The following SLC18A1 variants were observed in gnomAD, a reference collection of about 807,000 sequenced individuals.
SLC18A1 encodes the protein chromaffin granule amine transporter.
A neutral mutation model predicts 53.7 loss-of-function variants in SLC18A1; 69 were observed. The observed-to-expected ratio is 1.28, with a 90% CI of 1.06 to 1.57. SLC18A1 has a LOEUF of 1.57. Ranked by LOEUF, SLC18A1 falls within the 40% of genes most tolerant of loss-of-function variation. The probability of loss-of-function intolerance (pLI) is 0.00; values close to 1 mark genes in which losing one functional copy is unlikely to be tolerated. For synonymous variants in SLC18A1, 320 were observed against 248.1 expected, an observed-to-expected ratio of 1.29 and a Z score of -2.72; for missense variants, 932 against 668.1, an observed-to-expected ratio of 1.40 and a Z score of -4.35.
chr8:20,169,580 TAGAA>T (rs1032992253), intron 8 of SLC18A1, among the ~76,000 whole-genome samples: 1 of 152,114 alleles, frequency 6.6e-6, no homozygotes, highest in African/African-American at 2.4e-5. Flanking sequence ...GTATATTTGT[TAGAA>T]AGAGAGAGAA....
chr8:20,166,101 C>T (rs1226790730), intron 8 of SLC18A1, among the ~76,000 whole-genome samples: 1 of 151,548 alleles, frequency 6.6e-6, no homozygotes, highest in Non-Finnish European at 1.5e-5. Context: ...CCCTTTGACC[C>T]AACAGTCCCA....
At chr8:20,160,999 T>C (rs1369243188) in intron 10 of SLC18A1, among the ~76,000 whole-genome samples, 1 of 152,202 alleles carries the variant, frequency 6.6e-6, no homozygotes, top group Non-Finnish European at 1.5e-5. Context: ...CTACTAAAGG[T>C]TCCACTTCTC....
intron 5 of SLC18A1, among the ~76,000 whole-genome samples, chr8:20,173,565 C>T: frequency 6.6e-6 from 1 of 152,192 alleles, no homozygotes; most frequent in Non-Finnish European, 1.5e-5. Context: ...TGGGCTAGTG[C>T]TGTACGGCAG....
At position 20,149,659 on chromosome 8, in the gene SLC18A1, G is replaced by C; in HGVS notation, c.1146+17C>G. 1.9e-6 allele frequency: 3 copies of C among 1,598,132 alleles called. No homozygotes were observed. Among genetic ancestry groups the C allele is most frequent in the Non-Finnish European group, 2.6e-6 (3 of 1,170,106 alleles). ...CTCTCTCTCTCCTTCCCCTCCCCCAGGTCTTCTTATACTTACACAGAGCAA... is the reference window on the plus strand; with the variant it reads ...CTCTCTCTCTCCTTCCCCTCCCCCACGTCTTCTTATACTTACACAGAGCAA... On this transcript the variant is annotated intron_variant, in intron 12 of 15. Transcript: ENST00000276373.
chr8:20,155,651 T>C (rs1195258773), intron 10 of SLC18A1, among the ~76,000 whole-genome samples: 1 of 152,194 alleles, frequency 6.6e-6, no homozygotes, highest in East Asian at 1.9e-4. Context: ...TTCTTGAAAG[T>C]GTAGCCCCAG....
intron 10 of SLC18A1, among the ~76,000 whole-genome samples, chr8:20,160,724 T>C (rs995159431): frequency 1.3e-5 from 2 of 152,080 alleles, no homozygotes; most frequent in Non-Finnish European, 2.9e-5. Flanking sequence ...TTACCACAGA[T>C]TGGGTAATTC....
rs545517127 is a variant in SLC18A1, at chr8:20,150,884, G to A, written c.1016-140C>T. 43 of 718,200 alleles carry A rather than the reference G, an allele frequency of 6.0e-5. No individual in the cohort carries two copies. In the South Asian group the frequency reaches 6.3e-4, roughly 11 times the overall value. The allele number at this position is 718,200 out of a possible 1,614,324, so 44.5% of individuals were successfully genotyped here. On this transcript the variant is annotated intron_variant, in intron 10 of 15. Transcript: ENST00000276373. ...TTTGTTTTATGATCTGGGGACCTTT[G>A]TGCAAACCCACAGTAGTTGCCATAG...
chr8:20,171,217 G>C, intron 7 of SLC18A1, 71 bp from the exon 8 acceptor site: 1 of 1,500,238 alleles, frequency 6.7e-7, no homozygotes, highest in Admixed American at 1.7e-5. Context: ...AACAGCTGTA[G>C]TGCTACCACC....
chr8:20,178,367 C>A, intron 4 of SLC18A1, 68 bp downstream of exon 4: 1 of 1,279,426 alleles, frequency 7.8e-7, no homozygotes, highest in Non-Finnish European at 1.1e-6. Flanking sequence ...CTGCTATCTA[C>A]ACCGCATTCA....
At chr8:20,151,794 C>CCATTCATT (rs145356190) in intron 10 of SLC18A1, among the ~76,000 whole-genome samples, 4 of 151,992 alleles carry the variant, frequency 2.6e-5, no homozygotes, top group South Asian at 2.1e-4. Flanking sequence ...TGAGTCTCTT[C>CCATTCATT]CATTCATTCA....
intron 10 of SLC18A1, among the ~76,000 whole-genome samples, chr8:20,159,312 C>T (rs1427761280): frequency 6.6e-6 from 1 of 152,140 alleles, no homozygotes; most frequent in African/African-American, 2.4e-5. Flanking sequence ...TACTAACAGA[C>T]AGGACTAGCT....
rs116840485 is a variant in SLC18A1 at position 20,179,979 on chromosome 8, G to A, written c.125-495C>T. ...CTCAGCTCTGGGACCCCTGGACAGGGTTTGAATCCCAACTCTGGCACCTGC... is the reference window on the plus strand; with the variant it reads ...CTCAGCTCTGGGACCCCTGGACAGGATTTGAATCCCAACTCTGGCACCTGC... On this transcript the variant is annotated intron_variant, in intron 2 of 15. Coordinates refer to ENST00000276373, the MANE Select transcript of SLC18A1 (RefSeq NM_003053.4). 7.5e-3 allele frequency among the ~76,000 whole-genome samples: 1,136 copies of A among 152,292 alleles called. 18 individuals carry two copies. The highest frequency in any genetic ancestry group is 0.026 in the African/African-American group (1,086 of 41,550).
At position 20,171,204 on chromosome 8, in the gene SLC18A1, A is replaced by C. The variant is rs13266221; in HGVS notation, c.815-58T>G. On this transcript the variant is annotated intron_variant, in intron 7 of 15. Transcript: ENST00000276373. ...TGTCTACTGATTAGCTGGGGGCTCC[A>C]ATAACAGCTGTAGTGCTACCACCCT... 10,683 of 1,568,504 alleles carry C rather than the reference A, an allele frequency of 6.8e-3. 54 individuals carry two copies. Among genetic ancestry groups the C allele is most frequent in the Non-Finnish European group, 8.6e-3 (9,773 of 1,138,954 alleles).
chr8:20,145,950 C>G (rs1165105274), intron 15 of SLC18A1, 74 bp from the exon 16 acceptor site: 3 of 831,368 alleles, frequency 3.6e-6, no homozygotes, highest in Admixed American at 2.9e-5. Flanking sequence ...GAGTCTCGCT[C>G]TGTTGCCCAG....
intron 1 of SLC18A1, chr8:20,181,610 A>G (rs577603400): frequency 6.6e-6 from 1 of 152,274 alleles, no homozygotes; most frequent in East Asian, 1.9e-4. Flanking sequence ...CAACATAGAT[A>G]TTGATATCAT....
intron 10 of SLC18A1, among the ~76,000 whole-genome samples, chr8:20,152,753 G>C (rs903856128): frequency 6.6e-6 from 1 of 152,196 alleles, no homozygotes; most frequent in South Asian, 2.1e-4. Flanking sequence ...AGCCTTGGGG[G>C]ACTCCTATCT....
At chr8:20,150,600 G>A in intron 11 of SLC18A1, 66 bp downstream of exon 11, 2 of 1,359,428 alleles carry the variant, frequency 1.5e-6, no homozygotes, top group Non-Finnish European at 2.1e-6. Flanking sequence ...ATCATTCCAA[G>A]ATCAGGAACG....
At chr8:20,179,725 C>A (rs28577098) in intron 2 of SLC18A1, among the ~76,000 whole-genome samples, 7,431 of 152,300 alleles carry the variant, frequency 0.049, 505 homozygotes, top group East Asian at 0.28. Flanking sequence ...ACTGTGCCTG[C>A]CCAAGTTATC....
At chr8:20,146,436 A>G (rs2071399986) in intron 15 of SLC18A1, among the ~76,000 whole-genome samples, 1 of 152,182 alleles carries the variant, frequency 6.6e-6, no homozygotes, top group African/African-American at 2.4e-5. Context: ...GCAGGAAGCC[A>G]AATGGAATCA....
Sources: gnomAD v4.1 joint callset for allele counts (sites outside exome capture counted in the v4.1 genomes callset) on GRCh38, gnomAD v4.1.1 for gene constraint, MANE v1.5 for transcripts, NCBI Gene and HGNC (gene_info 2026-07-23, HGNC 2026-07-21) for gene names.